Variants in LRP1B observed in about 807,000 individuals in gnomAD.
LRP1B encodes low-density lipoprotein receptor-related protein 1B.
A neutral mutation model predicts 556.6 loss-of-function variants in LRP1B; 217 were observed. The observed-to-expected ratio is 0.39, with a 90% confidence interval of 0.35 to 0.44. The LOEUF is 0.44. LRP1B is among the 20% of genes least tolerant of loss of function. LRP1B has a pLI of 1.00. For missense variants in LRP1B, 5,053 were observed against 5,620.8 expected, an observed-to-expected ratio of 0.90 and a Z score of 3.23; for synonymous variants, 2,047 against 1,865.8, an observed-to-expected ratio of 1.10 and a Z score of -2.50.
intron 35 of LRP1B, among the ~76,000 whole-genome samples, chr2:140,733,073 A>G (rs537715345): frequency 1.6e-4 from 25 of 152,264 alleles, no homozygotes; most frequent in Non-Finnish European, 3.7e-4. Flanking sequence ...AGCCTCATAG[A>G]TCTTAAAAGA....
At chr2:141,442,073 T>C (rs1680998683) in intron 3 of LRP1B, among the ~76,000 whole-genome samples, 1 of 152,210 alleles carries the variant, frequency 6.6e-6, no homozygotes, top group African/African-American at 2.4e-5. Context: ...AAATTGTCTA[T>C]ACTGTTACGG....
At chr2:141,955,814 G>A (rs1194737055) in intron 1 of LRP1B, among the ~76,000 whole-genome samples, 1 of 152,054 alleles carries the variant, frequency 6.6e-6, no homozygotes, top group Non-Finnish European at 1.5e-5. Flanking sequence ...AGAGCTAGTA[G>A]TGATTCCTGT....
chr2:140,342,247 CA>C (rs771614275), intron 77 of LRP1B, among the ~76,000 whole-genome samples: 7,361 of 138,384 alleles, frequency 0.053, 201 homozygotes, highest in Non-Finnish European at 0.064. Context: ...ATATAACTAG[CA>C]AAAAAAAAAA....
intron 2 of LRP1B, among the ~76,000 whole-genome samples, chr2:141,639,478 A>G (rs1008520342): frequency 6.8e-6 from 1 of 147,864 alleles, no homozygotes; most frequent in African/African-American, 2.5e-5. Context: ...CAGCAGTGGC[A>G]TGATCTTGGC....
chr2:141,888,076 A>C (rs1249666178), intron 1 of LRP1B, among the ~76,000 whole-genome samples: 1 of 152,296 alleles, frequency 6.6e-6, no homozygotes, highest in Non-Finnish European at 1.5e-5. Context: ...TTTTAAATTC[A>C]AAGTGTCCTC....
chr2:140,659,447 A>T (rs1304730152), intron 41 of LRP1B, among the ~76,000 whole-genome samples: 1 of 152,022 alleles, frequency 6.6e-6, no homozygotes, highest in African/African-American at 2.4e-5. Flanking sequence ...GCTTTTAGTG[A>T]TGTGGTGCCA....
intron 21 of LRP1B, among the ~76,000 whole-genome samples, chr2:140,922,421 G>T (rs1400181954): frequency 6.6e-6 from 1 of 151,822 alleles, no homozygotes; most frequent in Non-Finnish European, 1.5e-5. Flanking sequence ...ATGGCAGTCA[G>T]CATCCTCCTC....
chr2:140,972,772 G>C (rs1696470635), intron 18 of LRP1B, among the ~76,000 whole-genome samples: 2 of 151,690 alleles, frequency 1.3e-5, no homozygotes, highest in South Asian at 4.2e-4. Flanking sequence ...CCGAAACTGA[G>C]AGAAAATTTG....
intron 1 of LRP1B, among the ~76,000 whole-genome samples, chr2:142,004,209 A>G (rs1225148410): frequency 6.6e-6 from 1 of 152,172 alleles, no homozygotes; most frequent in Non-Finnish European, 1.5e-5. Context: ...GGTGAAACAG[A>G]AGCAAATGAC....
At chr2:140,353,911 G>T (rs1682090146) in intron 75 of LRP1B, among the ~76,000 whole-genome samples, 1 of 151,998 alleles carries the variant, frequency 6.6e-6, no homozygotes, top group Non-Finnish European at 1.5e-5. Flanking sequence ...TATGTGATGT[G>T]AATTAAGCAA....
At chr2:141,730,868 G>T (rs1693243679) in intron 2 of LRP1B, among the ~76,000 whole-genome samples, 1 of 152,082 alleles carries the variant, frequency 6.6e-6, no homozygotes, top group African/African-American at 2.4e-5. Context: ...TGGTTTATTT[G>T]GGGAACCCCA....
intron 6 of LRP1B, among the ~76,000 whole-genome samples, chr2:141,209,118 CAAAT>C (rs1682428458): frequency 6.6e-6 from 1 of 152,002 alleles, no homozygotes; most frequent in African/African-American, 2.4e-5. Flanking sequence ...ATTCAGTACT[CAAAT>C]AAAATAAGGA....
chr2:140,428,705 A>T (rs1227551571), intron 66 of LRP1B, among the ~76,000 whole-genome samples: 1 of 151,908 alleles, frequency 6.6e-6, no homozygotes, highest in African/African-American at 2.4e-5. Context: ...GTCCCCTTTT[A>T]ATCAATATGG....
intron 2 of LRP1B, among the ~76,000 whole-genome samples, chr2:141,735,365 G>A (rs531247051): frequency 5.9e-5 from 9 of 151,906 alleles, no homozygotes; most frequent in African/African-American, 1.5e-4. Context: ...GGACTTGCCC[G>A]GTCTCATTAG....
rs140359603 is a variant in LRP1B at position 141,590,502 on chromosome 2, C to G, written c.206-109969G>C. On this transcript the variant is annotated intron_variant, in intron 2 of 90. Coordinates refer to ENST00000389484, the MANE Select transcript of LRP1B (RefSeq NM_018557.3). ...AGCTTAAGCTTCAAACATTTATGGC[C>G]TAAATGGGGATGTCATTCTGAATTA... Among the ~76,000 whole-genome samples, 4 of 152,078 alleles carry G rather than the reference C, an allele frequency of 2.6e-5. No homozygotes were observed. In the East Asian group the frequency reaches 7.7e-4, roughly 29 times the overall value.
intron 25 of LRP1B, among the ~76,000 whole-genome samples, chr2:140,871,126 T>G (rs1693115608): frequency 6.6e-6 from 1 of 152,172 alleles, no homozygotes; most frequent in Non-Finnish European, 1.5e-5. Context: ...ATAGTGGTAG[T>G]GTGTGCTTTT....
intron 35 of LRP1B, among the ~76,000 whole-genome samples, chr2:140,741,937 A>T (rs1688155491): frequency 2.0e-5 from 3 of 152,160 alleles, no homozygotes; most frequent in Admixed American, 2.0e-4. Flanking sequence ...AAAGGACATG[A>T]TCTCATTCTT....
At chr2:140,359,964 TC>T (rs1682430335) in intron 72 of LRP1B, among the ~76,000 whole-genome samples, 1 of 151,612 alleles carries the variant, frequency 6.6e-6, no homozygotes, top group Admixed American at 6.6e-5. Flanking sequence ...GTTGCTATTG[TC>T]CCCAGGTTTG....
At chr2:141,078,108 G>A (rs925502627) in intron 7 of LRP1B, among the ~76,000 whole-genome samples, 3 of 151,810 alleles carry the variant, frequency 2.0e-5, no homozygotes, top group Admixed American at 6.6e-5. Context: ...TGAGGCAAAT[G>A]GTAACTGGAA....
Sources: gnomAD v4.1 joint callset for allele counts (sites outside exome capture counted in the v4.1 genomes callset) on GRCh38, gnomAD v4.1.1 for gene constraint, MANE v1.5 for transcripts, NCBI Gene and HGNC (gene_info 2026-07-23, HGNC 2026-07-21) for gene names.